The following SLC3A1 variants were observed in gnomAD, a reference collection of about 807,000 sequenced individuals.
SLC3A1 encodes the protein solute carrier family 3 member 1, also known as amino acid transporter heavy chain SLC3A1.
In SLC3A1, 78 loss-of-function variants were observed where a neutral mutation model predicts 60.3. The ratio of observed to expected loss-of-function variants is 1.29; its 90% confidence interval spans 1.08 to 1.56. The LOEUF (loss-of-function observed/expected upper bound fraction) is 1.56. Among genes scored for constraint, SLC3A1 ranks in the 40% most tolerant of loss-of-function variants. The pLI, the probability that SLC3A1 is intolerant of heterozygous loss-of-function variation, is 0.00. For synonymous variants in SLC3A1, 392 were observed against 307.9 expected, an observed-to-expected ratio of 1.27 and a Z score of -2.86; for missense variants, 1,172 against 858.9, an observed-to-expected ratio of 1.36 and a Z score of -4.56.
intron 7 of SLC3A1, 54 bp downstream of exon 7, chr2:44,304,392 C>A: frequency 7.3e-7 from 1 of 1,364,688 alleles, no homozygotes; most frequent in South Asian, 1.2e-5. Context: ...CTTTGCTGTC[C>A]AGTTATCTCT....
chr2:44,318,100 T>G, intron 9 of SLC3A1: 1 of 443,012 alleles, frequency 2.3e-6, no homozygotes, highest in South Asian at 1.6e-5. Flanking sequence ...ACACTGTTTT[T>G]TTTTTTTTTT....
chr2:44,318,878 G>GCATC (rs1398856196), intron 9 of SLC3A1: 3 of 152,174 alleles, frequency 2.0e-5, no homozygotes, highest in African/African-American at 7.2e-5. Flanking sequence ...TCATGACTAC[G>GCATC]CATCTAACAG....
At chr2:44,301,209 G>C in intron 6 of SLC3A1, 82 bp downstream of exon 6, 1 of 1,554,430 alleles carries the variant, frequency 6.4e-7, no homozygotes, top group East Asian at 2.3e-5. Flanking sequence ...AGTGTATTTG[G>C]AGGTTCAAGT....
intron 7 of SLC3A1, among the ~76,000 whole-genome samples, chr2:44,310,431 C>A (rs542210238): frequency 6.9e-6 from 1 of 144,624 alleles, no homozygotes; most frequent in South Asian, 2.1e-4. Context: ...GTTTACAGTT[C>A]TTTCTTTCAT....
At chr2:44,284,331 G>C (rs1572792669) in intron 3 of SLC3A1, among the ~76,000 whole-genome samples, 1 of 152,228 alleles carries the variant, frequency 6.6e-6, no homozygotes, top group South Asian at 2.1e-4. Context: ...GCCCACGTCG[G>C]CTTCCCAGAG....
chr2:44,321,563 GAATACTTTCATTCGAGAGAGAGGC>G (rs1263407996), downstream of SLC3A1: 97 of 1,505,080 alleles, frequency 6.4e-5, no homozygotes, highest in Non-Finnish European at 8.1e-5. Context: ...TTTATGGCAA[GAATACTTTCATTCGAGAGAGAGGC>G]AGAAGGCTTC....
intron 9 of SLC3A1, among the ~76,000 whole-genome samples, chr2:44,315,503 CAA>C (rs11324145): frequency 2.5e-3 from 328 of 132,650 alleles, no homozygotes; most frequent in Middle Eastern, 3.8e-3. Context: ...CTACCCCCGC[CAA>C]AAAAAAAAAA....
At chr2:44,290,367 A>C (rs1310440163) in intron 4 of SLC3A1, among the ~76,000 whole-genome samples, 1 of 152,174 alleles carries the variant, frequency 6.6e-6, no homozygotes, top group African/African-American at 2.4e-5. Context: ...GGGAAGTGAG[A>C]ATCCTACAAC....
intron 9 of SLC3A1, 82 bp from the exon 10 acceptor site, chr2:44,320,117 T>C: frequency 3.1e-6 from 4 of 1,270,328 alleles, no homozygotes; most frequent in Non-Finnish European, 4.4e-6. Context: ...TTTGGGTAAA[T>C]AACTCCTTAC....
rs1278797518 is a variant in SLC3A1 at position 44,299,145 on chromosome 2, T to TCACCTG, written c.892-825_892-824insACCTGC. On this transcript the variant is annotated intron_variant, in intron 4 of 9. Transcript: ENST00000260649. ...CTTCCACCTCCCGGGTTCAAGTGAT[T>TCACCTG]CTCCTGCCTCGGCCTCCCGAGTAGC... 2.9e-3 allele frequency among the ~76,000 whole-genome samples: 437 copies of TCACCTG among 151,604 alleles called. 1 individual carries two copies. Among genetic ancestry groups the TCACCTG allele is most frequent in the African/African-American group, 9.3e-3 (383 of 41,330 alleles).
At chr2:44,304,541 T>C (rs1243646655) in intron 7 of SLC3A1, among the ~76,000 whole-genome samples, 1 of 152,204 alleles carries the variant, frequency 6.6e-6, no homozygotes, top group Non-Finnish European at 1.5e-5. Flanking sequence ...GGAATGAATA[T>C]TGAATGAGTG....
At chr2:44,306,461 T>C (rs1474221233) in intron 7 of SLC3A1, among the ~76,000 whole-genome samples, 2 of 151,932 alleles carry the variant, frequency 1.3e-5, no homozygotes, top group Non-Finnish European at 2.9e-5. Flanking sequence ...TTAGGCATGG[T>C]AAAAGCTTTA....
intron 9 of SLC3A1, chr2:44,316,443 T>G (rs1250036806): frequency 6.6e-6 from 1 of 151,600 alleles, no homozygotes; most frequent in Non-Finnish European, 1.5e-5. Context: ...GTCCAGAACG[T>G]ACTGAAAAAG....
chr2:44,304,073 A>G, intron 6 of SLC3A1, 70 bp from the exon 7 acceptor site: 1 of 1,148,768 alleles, frequency 8.7e-7, no homozygotes, highest in Non-Finnish European at 1.3e-6. Flanking sequence ...ATGCAAGATA[A>G]GCAGCTGTGG....
At chr2:44,295,723 A>C (rs1451642096) in intron 4 of SLC3A1, among the ~76,000 whole-genome samples, 1 of 152,102 alleles carries the variant, frequency 6.6e-6, no homozygotes, top group African/African-American at 2.4e-5. Context: ...TGAGATCCGG[A>C]CTCCGTAAAG....
intron 7 of SLC3A1, among the ~76,000 whole-genome samples, chr2:44,311,764 C>T (rs1189026429): frequency 6.6e-6 from 1 of 150,528 alleles, no homozygotes; most frequent in Non-Finnish European, 1.5e-5. Context: ...TGAATTGTAG[C>T]AATTAAGTCT....
At chr2:44,281,685 G>C (rs1481792092) in intron 3 of SLC3A1, 144 bp downstream of exon 3, 3 of 760,034 alleles carry the variant, frequency 3.9e-6, no homozygotes, top group Non-Finnish European at 6.7e-6. Context: ...ATAGAAATAA[G>C]GTTTCCAGTT....
At chr2:44,277,604 C>T (rs77179701) in intron 1 of SLC3A1, among the ~76,000 whole-genome samples, 67 of 152,270 alleles carry the variant, frequency 4.4e-4, no homozygotes, top group African/African-American at 1.5e-3. Context: ...TTGAGTGACT[C>T]CCTTTCCCCT....
In SLC3A1 at chr2:44,300,053, TGA is replaced by T. The variant is rs1281592626; in HGVS notation, c.979_980del (p.Asp327Ter). The T allele has an allele frequency of 6.2e-6, 10 of 1,613,674 alleles. No individual in the cohort carries two copies. Among genetic ancestry groups the T allele is most frequent in the Non-Finnish European group, 8.5e-6 (10 of 1,179,652 alleles). On this transcript the variant is annotated frameshift_variant, in exon 5 of 10. Transcript: ENST00000260649. LOFTEE classifies it high-confidence loss of function. ...AAATTCCTCCTAGAAGCAAAGCACC[TGA>T]GAGATGAGATCCAAGTAAATAAGAC...
Sources: allele counts gnomAD v4.1 joint callset (sites outside exome capture counted in the v4.1 genomes callset), GRCh38; gene constraint gnomAD v4.1.1; transcripts MANE v1.5; gene names NCBI Gene and HGNC (gene_info 2026-07-23, HGNC 2026-07-21).